Variants in TENM3 observed in about 807,000 individuals in gnomAD.
The protein encoded by TENM3 is teneurin transmembrane protein 3, also known as teneurin-3.
Under a neutral mutation model 255.1 loss-of-function variants are expected in TENM3, and 63 were observed. The ratio of observed to expected loss-of-function variants is 0.25; its 90% confidence interval spans 0.20 to 0.30. The LOEUF (loss-of-function observed/expected upper bound fraction) is 0.30. TENM3 is among the 10% of genes least tolerant of loss of function. TENM3 has a pLI of 1.00. For synonymous variants in TENM3, 1,306 were observed against 1,322.3 expected (o/e 0.99, Z 0.27); for missense variants, 2,929 against 3,461.1 (o/e 0.85, Z 3.86).
At chr4:181,840,086 C>T in the TENM3 span, among the ~76,000 whole-genome samples, 45 of 152,020 alleles carry the variant, frequency 3.0e-4, no homozygotes, top group Non-Finnish European at 4.6e-4. Context: ...GTTTTTATTG[C>T]CTTTTGTCTC....
intron 3 of TENM3, among the ~76,000 whole-genome samples, chr4:182,384,740 C>T (rs891621350): frequency 1.3e-5 from 2 of 152,058 alleles, no homozygotes; most frequent in Non-Finnish European, 2.9e-5. Context: ...TGCTTGCTCC[C>T]TCCTCTAATT....
chr4:182,054,261 G>A, the TENM3 span, among the ~76,000 whole-genome samples: 1 of 151,736 alleles, frequency 6.6e-6, no homozygotes, highest in South Asian at 2.1e-4. Context: ...CAGTCCATCT[G>A]ATTGATTCAC....
intron 24 of TENM3, among the ~76,000 whole-genome samples, chr4:182,787,956 A>G (rs1264434977): frequency 2.6e-5 from 4 of 152,110 alleles, no homozygotes; most frequent in African/African-American, 9.7e-5. Flanking sequence ...GTTTAATGTG[A>G]ATGATAGAAT....
the TENM3 span, among the ~76,000 whole-genome samples, chr4:181,506,924 C>T: frequency 6.6e-6 from 1 of 152,034 alleles, no homozygotes; most frequent in Admixed American, 6.6e-5. Flanking sequence ...ATCTCAGTAA[C>T]TCTTATTAGA....
chr4:182,762,883 C>T (rs1321509290), intron 22 of TENM3, among the ~76,000 whole-genome samples: 1 of 151,776 alleles, frequency 6.6e-6, no homozygotes, highest in Non-Finnish European at 1.5e-5. Context: ...CCTACCCCAT[C>T]ATCACCACTA....
chr4:182,050,811 C>A, the TENM3 span, among the ~76,000 whole-genome samples: 1 of 139,368 alleles, frequency 7.2e-6, no homozygotes, highest in Non-Finnish European at 1.6e-5. Flanking sequence ...CTGAAAAAAA[C>A]AAAACAAAAC....
Position 182,394,012 on chromosome 4 carries a change from G to A in TENM3, c.511+47083G>A, listed in dbSNP as rs140358416. ...ATAGTCTCAGAGTTACAATCCTAGG[G>A]AAGAAGAGTTTGTGGGGAGCACGTG... On this transcript the variant is annotated intron_variant, in intron 3 of 27. Coordinates refer to ENST00000511685, the MANE Select transcript of TENM3 (RefSeq NM_001080477.4). Among the ~76,000 whole-genome samples the A allele has an allele frequency of 4.3e-3, 653 of 152,266 alleles. 4 individuals carry two copies. The highest frequency in any genetic ancestry group is 6.6e-3 in the Non-Finnish European group (451 of 68,006).
At chr4:182,388,615 C>T (rs919215313) in intron 3 of TENM3, among the ~76,000 whole-genome samples, 5 of 152,222 alleles carry the variant, frequency 3.3e-5, no homozygotes, top group African/African-American at 9.6e-5. Flanking sequence ...CAAACATCTA[C>T]ATCCATCCTA....
At chr4:182,523,956 A>G (rs1375787164) in intron 3 of TENM3, among the ~76,000 whole-genome samples, 2 of 152,216 alleles carry the variant, frequency 1.3e-5, no homozygotes, top group African/African-American at 2.4e-5. Context: ...ATCATAACAT[A>G]CTACAAAGGA....
intron 1 of TENM3, among the ~76,000 whole-genome samples, chr4:182,182,794 A>T (rs1245315325): frequency 6.6e-6 from 1 of 152,232 alleles, no homozygotes; most frequent in Non-Finnish European, 1.5e-5. Context: ...GTACACGTGT[A>T]AAAAGTACCT....
At chr4:181,973,426 C>T in the TENM3 span, among the ~76,000 whole-genome samples, 5 of 152,070 alleles carry the variant, frequency 3.3e-5, no homozygotes, top group South Asian at 2.1e-4. Flanking sequence ...GCAGAGAAAA[C>T]GGAGACGGAA....
intron 3 of TENM3, among the ~76,000 whole-genome samples, chr4:182,562,762 C>T (rs1743333040): frequency 6.6e-6 from 1 of 152,064 alleles, no homozygotes. Context: ...GTGGGGGGTG[C>T]AACATGGAGC....
At chr4:182,176,821 ATT>A (rs529637466) in intron 1 of TENM3, among the ~76,000 whole-genome samples, 36,061 of 113,426 alleles carry the variant, frequency 0.32, 5,386 homozygotes, top group Middle Eastern at 0.4. Context: ...CATCCGGCTA[ATT>A]TTTTTTTTTT....
chr4:182,016,603 T>G, the TENM3 span, among the ~76,000 whole-genome samples: 1 of 152,176 alleles, frequency 6.6e-6, no homozygotes, highest in South Asian at 2.1e-4. Flanking sequence ...ACCAGCCAAG[T>G]TTATGTCTCA....
intron 3 of TENM3, among the ~76,000 whole-genome samples, chr4:182,365,297 A>G (rs1766352796): frequency 6.6e-6 from 1 of 152,234 alleles, no homozygotes; most frequent in South Asian, 2.1e-4. Context: ...GCAGAGATGG[A>G]CTTCGAGGAC....
intron 13 of TENM3, among the ~76,000 whole-genome samples, chr4:182,716,282 C>T (rs893567345): frequency 6.6e-6 from 1 of 152,224 alleles, no homozygotes; most frequent in African/African-American, 2.4e-5. Context: ...TCTGCAGAGA[C>T]ACTGCCGAGT....
the TENM3 span, among the ~76,000 whole-genome samples, chr4:181,549,037 T>TCC: frequency 1.3e-5 from 2 of 152,148 alleles, no homozygotes; most frequent in East Asian, 3.9e-4. Context: ...TGGTAACACA[T>TCC]TCTTCACAAA....
chr4:182,720,893 G>A lies in TENM3; in HGVS notation c.2368+6660G>A, dbSNP rs905123436. Among the ~76,000 whole-genome samples the A allele has an allele frequency of 2.7e-5, 4 of 150,806 alleles. No homozygotes were observed. In the South Asian group the frequency reaches 6.3e-4, roughly 24 times the overall value. ...AGCGATTCTCCTGCCTCAGCCTCCC[G>A]AGTAGCTGGAATTACAGGCGCTTGC... On this transcript the variant is annotated intron_variant, in intron 13 of 27. Transcript: ENST00000511685.
chr4:181,881,062 C>G, the TENM3 span, among the ~76,000 whole-genome samples: 5 of 152,140 alleles, frequency 3.3e-5, no homozygotes, highest in African/African-American at 1.2e-4. Flanking sequence ...AGACTTGAAG[C>G]TAGAATTCTG....
Sources: allele counts gnomAD v4.1 joint callset (sites outside exome capture counted in the v4.1 genomes callset), GRCh38; gene constraint gnomAD v4.1.1; transcripts MANE v1.5; gene names NCBI Gene and HGNC (gene_info 2026-07-23, HGNC 2026-07-21).